The following VWA8 variants were observed in gnomAD, a reference collection of about 807,000 sequenced individuals.
VWA8 encodes von Willebrand factor A domain containing 8.
VWA8 carries 221 observed loss-of-function variants against 241.5 expected under a neutral mutation model. That is an observed-to-expected ratio of 0.91 (90% CI 0.82 to 1.02). VWA8 has a LOEUF of 1.02. Ranked by LOEUF, VWA8 falls within the 50% of genes least tolerant of loss-of-function variation. The pLI is 0.00. For synonymous variants in VWA8, 852 were observed against 827.1 expected (o/e 1.03, Z -0.52); for missense variants, 2,322 against 2,328.7 (o/e 1.00, Z 0.06).
chr13:41,861,326 G>C (rs951715765), intron 12 of VWA8, among the ~76,000 whole-genome samples: 5 of 152,094 alleles, frequency 3.3e-5, no homozygotes, highest in Non-Finnish European at 7.4e-5. Flanking sequence ...ATTAAAACAT[G>C]GGTAAGGACC....
chr13:41,822,131 G>C (rs958235775), intron 14 of VWA8, among the ~76,000 whole-genome samples: 3 of 151,992 alleles, frequency 2.0e-5, no homozygotes, highest in African/African-American at 7.3e-5. Flanking sequence ...TTATCAAACT[G>C]TGCATTTTAA....
At chr13:41,869,094 T>A (rs1873461668) in intron 9 of VWA8, among the ~76,000 whole-genome samples, 1 of 152,068 alleles carries the variant, frequency 6.6e-6, no homozygotes, top group Non-Finnish European at 1.5e-5. Flanking sequence ...TTCTTGACAA[T>A]CAACTTCCTA....
chr13:41,689,465 T>C lies in VWA8; in HGVS notation c.4020A>G (p.Leu1340=), dbSNP rs778819908. ...CAGCTGAACTTAGATGTTCAGATGA[T>C]AGTTGATCACTGGAAATTTTATGAG... is the stretch of plus-strand genomic sequence containing the variant. ...SIPHKISSDQ[L]SSEHLSSAVE... The change falls in exon 34 of 45, where the codon CTA becomes CTG. Residue 1340 remains leucine, a synonymous_variant. Coordinates refer to ENST00000379310, the MANE Select transcript of VWA8 (RefSeq NM_015058.2). The C allele has an allele frequency of 3.1e-6, 5 of 1,611,534 alleles. No homozygotes were observed. Among genetic ancestry groups the C allele is most frequent in the East Asian group, 2.2e-5 (1 of 44,720 alleles).
chr13:41,673,010 T>C (rs1414379055), intron 36 of VWA8, among the ~76,000 whole-genome samples: 6 of 152,172 alleles, frequency 3.9e-5, no homozygotes, highest in African/African-American at 1.4e-4. Context: ...ATTTCTTTAA[T>C]TTATTTAAAA....
intron 21 of VWA8, among the ~76,000 whole-genome samples, chr13:41,735,530 T>A (rs2045517879): frequency 6.6e-6 from 1 of 152,106 alleles, no homozygotes; most frequent in African/African-American, 2.4e-5. Context: ...TGGCTTTTAG[T>A]GGAGTAGTAT....
At chr13:41,701,668 G>A (rs2045250994) in intron 27 of VWA8, 138 bp from the exon 28 acceptor site, 2 of 721,122 alleles carry the variant, frequency 2.8e-6, no homozygotes, top group Non-Finnish European at 2.0e-6. Flanking sequence ...TTATTGACAG[G>A]CTTAGTACTC....
chr13:41,586,321 G>C (rs1455815557), intron 42 of VWA8, among the ~76,000 whole-genome samples: 2 of 152,148 alleles, frequency 1.3e-5, no homozygotes, highest in African/African-American at 4.8e-5. Flanking sequence ...AACCAAGAGG[G>C]AATCTTAAGC....
chr13:41,687,040 G>C (rs2045141254), intron 34 of VWA8, among the ~76,000 whole-genome samples: 1 of 152,090 alleles, frequency 6.6e-6, no homozygotes, highest in East Asian at 1.9e-4. Context: ...TGTAAAATTA[G>C]GCTATTTGCC....
chr13:41,871,575 AAT>A, intron 9 of VWA8, among the ~76,000 whole-genome samples: 1 of 151,952 alleles, frequency 6.6e-6, no homozygotes, highest in East Asian at 1.9e-4. Flanking sequence ...TTGTTCTTGC[AAT>A]AGTTTACTGA....
intron 2 of VWA8, among the ~76,000 whole-genome samples, chr13:41,942,570 C>T (rs138828975): frequency 8.5e-5 from 13 of 152,240 alleles, no homozygotes; most frequent in East Asian, 5.8e-4. Flanking sequence ...CATAATGTAC[C>T]GAGAAGTCCT....
intron 2 of VWA8, among the ~76,000 whole-genome samples, chr13:41,934,943 T>G (rs1299446485): frequency 6.6e-6 from 1 of 152,100 alleles, no homozygotes; most frequent in African/African-American, 2.4e-5. Flanking sequence ...TAGAATTACA[T>G]ATATTATTAA....
chr13:41,715,308 G>A (rs2045341714), intron 26 of VWA8, among the ~76,000 whole-genome samples: 1 of 151,796 alleles, frequency 6.6e-6, no homozygotes, highest in Non-Finnish European at 1.5e-5. Flanking sequence ...ATATTTAGAA[G>A]TATTTACATT....
At chr13:41,898,744 C>G (rs1378750960) in intron 4 of VWA8, among the ~76,000 whole-genome samples, 1 of 152,148 alleles carries the variant, frequency 6.6e-6, no homozygotes, top group African/African-American at 2.4e-5. Flanking sequence ...AGCTAAGGCC[C>G]GGCGAGAAAT....
rs1378183310 is a variant in VWA8 at position 41,568,163 on chromosome 13, A to C, written c.*34T>G. On this transcript the variant is annotated 3_prime_UTR_variant, in exon 45 of 45. Coordinates refer to ENST00000379310, the MANE Select transcript of VWA8 (RefSeq NM_015058.2). ...ACTCTTTATTCCTGTCTTATTTCAA[A>C]TCCTGGTGTCATCAGGGTGATGAAG... The C allele has an allele frequency of 6.5e-7, 1 of 1,540,238 alleles. No homozygotes were observed. The highest frequency in any genetic ancestry group is 1.4e-5 in the African/African-American group (1 of 73,306).
chr13:41,881,115 T>TA (rs1874149121), intron 9 of VWA8, among the ~76,000 whole-genome samples: 1 of 152,170 alleles, frequency 6.6e-6, no homozygotes, highest in Non-Finnish European at 1.5e-5. Context: ...TGTAACAGGT[T>TA]AAAACCAATT....
intron 43 of VWA8, among the ~76,000 whole-genome samples, chr13:41,572,134 G>A (rs2044310816): frequency 1.3e-5 from 2 of 150,982 alleles, no homozygotes; most frequent in Admixed American, 1.3e-4. Context: ...TGCGAAGTGA[G>A]GAGCCCCTCC....
Position 41,774,814 on chromosome 13 carries a change from CA to C in VWA8, c.2349+3170del, listed in dbSNP as rs578131787. Among the ~76,000 whole-genome samples, 23 of 152,300 alleles carry C rather than the reference CA, an allele frequency of 1.5e-4. No individual in the cohort carries two copies. In the South Asian group the frequency reaches 4.8e-3, roughly 32 times the overall value. Reference sequence around the variant, plus strand: ...GAAGGAATAACTATTTACTCAGTATCACATATCAGTTGATATCACACATATC... The same window carrying C: ...GAAGGAATAACTATTTACTCAGTATCCATATCAGTTGATATCACACATATC... On this transcript the variant is annotated intron_variant, in intron 20 of 44. Coordinates refer to ENST00000379310, the MANE Select transcript of VWA8 (RefSeq NM_015058.2).
In VWA8 at chr13:41,581,249, G is replaced by A. The variant is rs912168878; in HGVS notation, c.5272-5411C>T. Reference sequence around the variant, plus strand: ...GATCTCCTGACCTCGTGATCCGCCCGCCTCGGCCTCCCAAAGTGCTGGGAT... The same window carrying A: ...GATCTCCTGACCTCGTGATCCGCCCACCTCGGCCTCCCAAAGTGCTGGGAT... On this transcript the variant is annotated intron_variant, in intron 42 of 44. Coordinates refer to ENST00000379310, the MANE Select transcript of VWA8 (RefSeq NM_015058.2). Among the ~76,000 whole-genome samples, 4 of 76,730 alleles carry A rather than the reference G, an allele frequency of 5.2e-5. 2 individuals carry two copies. The highest frequency in any genetic ancestry group is 8.9e-4 in the East Asian group (2 of 2,254). The allele number at this position is 76,730 out of a possible 152,430, so 50.3% of individuals were successfully genotyped here. A position where few individuals can be genotyped will look rare whatever the true frequency, so the allele number is the denominator to read the frequency against.
Position 41,691,317 on chromosome 13 carries a change from C to G in VWA8, c.3866+3G>C. On this transcript the variant is annotated splice_donor_region_variant and intron_variant, in intron 32 of 44. Coordinates refer to ENST00000379310, the MANE Select transcript of VWA8 (RefSeq NM_015058.2). ...CCATGATACACTATATAAAGCCACT[C>G]ACTGATTTGTTTTGCTCTCCACCAG... 1 of 1,611,722 alleles carries G rather than the reference C, an allele frequency of 6.2e-7. No individual in the cohort carries two copies. Among genetic ancestry groups the G allele is most frequent in the Non-Finnish European group, 8.5e-7 (1 of 1,178,422 alleles).
Sources: allele counts gnomAD v4.1 joint callset (sites outside exome capture counted in the v4.1 genomes callset), GRCh38; gene constraint gnomAD v4.1.1; transcripts MANE v1.5; gene names NCBI Gene and HGNC (gene_info 2026-07-23, HGNC 2026-07-21).